Variants in PDE1A observed in about 807,000 individuals in gnomAD.
PDE1A encodes the protein dual specificity calcium/calmodulin-dependent 3',5'-cyclic nucleotide phosphodiesterase 1A.
In PDE1A, 35 loss-of-function variants were observed where a neutral mutation model predicts 61.7. That is an observed-to-expected ratio of 0.57 (90% CI 0.43 to 0.75). The LOEUF (loss-of-function observed/expected upper bound fraction) is 0.75, where lower values mean the gene tolerates loss of function less well. Ranked by LOEUF, PDE1A falls within the 30% of genes least tolerant of loss-of-function variation. The probability of loss-of-function intolerance (pLI) is 0.00; values close to 1 mark genes in which losing one functional copy is unlikely to be tolerated. For missense variants in PDE1A, 597 were observed against 630.6 expected (o/e 0.95, Z 0.57); for synonymous variants, 232 against 213.2 (o/e 1.09, Z -0.77).
chr2:182,552,508 G>C, the PDE1A span, among the ~76,000 whole-genome samples: 1 of 147,692 alleles, frequency 6.8e-6, no homozygotes, highest in Non-Finnish European at 1.5e-5. Flanking sequence ...GTGGTGGCGT[G>C]ATCTCGGCTC....
chr2:182,156,168 G>A (rs1231084492), intron 13 of PDE1A, among the ~76,000 whole-genome samples: 1 of 152,106 alleles, frequency 6.6e-6, no homozygotes, highest in South Asian at 2.1e-4. Flanking sequence ...CTAATCATAA[G>A]TTATCTGTGC....
At chr2:182,209,286 T>G (rs1212670783) in intron 7 of PDE1A, among the ~76,000 whole-genome samples, 1 of 151,942 alleles carries the variant, frequency 6.6e-6, no homozygotes, top group African/African-American at 2.4e-5. Context: ...TTTCCCCTTA[T>G]CCAACCATCA....
the PDE1A span, among the ~76,000 whole-genome samples, chr2:182,674,132 T>C: frequency 6.6e-6 from 1 of 151,968 alleles, no homozygotes; most frequent in African/African-American, 2.4e-5. Context: ...CCATGATCAC[T>C]GTTAGTAAGT....
chr2:182,628,871 A>T, the PDE1A span, among the ~76,000 whole-genome samples: 2 of 152,150 alleles, frequency 1.3e-5, no homozygotes, highest in Non-Finnish European at 2.9e-5. Flanking sequence ...GATAAGTGGG[A>T]CATGCAACTT....
chr2:182,676,611 GAAAATA>G, the PDE1A span, among the ~76,000 whole-genome samples: 4 of 151,922 alleles, frequency 2.6e-5, no homozygotes, highest in Non-Finnish European at 5.9e-5. Flanking sequence ...AGACACAACA[GAAAATA>G]AAATTTCAGG....
At chr2:182,390,915 A>G (rs1469272336) in intron 1 of PDE1A, among the ~76,000 whole-genome samples, 1 of 152,170 alleles carries the variant, frequency 6.6e-6, no homozygotes, top group Non-Finnish European at 1.5e-5. Flanking sequence ...GCCTCCCCTG[A>G]GGCAGTTGCC....
At chr2:182,223,525 A>G (rs1200158967) in intron 7 of PDE1A, among the ~76,000 whole-genome samples, 1 of 152,040 alleles carries the variant, frequency 6.6e-6, no homozygotes, top group African/African-American at 2.4e-5. Context: ...AATGACACCA[A>G]ACCAGTACCT....
At chr2:182,691,865 G>A in the PDE1A span, among the ~76,000 whole-genome samples, 1 of 151,780 alleles carries the variant, frequency 6.6e-6, no homozygotes, top group Non-Finnish European at 1.5e-5. Flanking sequence ...AGTGGGCGAA[G>A]GATATGAACA....
At chr2:182,433,006 C>T (rs1704033216) in intron 2 of PDE1A, among the ~76,000 whole-genome samples, 1 of 152,090 alleles carries the variant, frequency 6.6e-6, no homozygotes, top group Admixed American at 6.6e-5. Context: ...GTCTCATCCA[C>T]ATCCTCCACC....
chr2:182,492,078 C>A (rs1188707616), intron 2 of PDE1A, among the ~76,000 whole-genome samples: 1 of 152,118 alleles, frequency 6.6e-6, no homozygotes, highest in Non-Finnish European at 1.5e-5. Flanking sequence ...TTCCTATCAT[C>A]TTGCTTTGCC....
rs1024786499 is a variant in PDE1A at position 182,188,546 on chromosome 2, T to C, written c.1207+433A>G. The stretch of plus-strand genomic sequence containing the variant: ...CCTGTTGTTGGTTAATCTATTCACA[T>C]CATGACAGAATATTTTTCCAAATGA... On this transcript the variant is annotated intron_variant, in intron 11 of 13. Transcript: ENST00000351439. Among the ~76,000 whole-genome samples, 6 of 152,194 alleles carry C rather than the reference T, an allele frequency of 3.9e-5. No individual in the cohort carries two copies. The East Asian group carries it at 7.7e-4, about 20-fold the overall frequency.
At chr2:182,526,285 C>G (rs1324610175), upstream of PDE1A, among the ~76,000 whole-genome samples, 1 of 151,992 alleles carries the variant, frequency 6.6e-6, no homozygotes, top group Non-Finnish European at 1.5e-5. Flanking sequence ...GAATGCATAA[C>G]TGAACCTATA....
At chr2:182,248,236 A>T (rs1181037961) in intron 2 of PDE1A, among the ~76,000 whole-genome samples, 3 of 150,522 alleles carry the variant, frequency 2.0e-5, no homozygotes, top group African/African-American at 7.4e-5. Flanking sequence ...AGCCTGGGCC[A>T]CAAGAGCAAG....
At chr2:182,301,017 C>A (rs1174854023) in intron 1 of PDE1A, among the ~76,000 whole-genome samples, 1 of 152,012 alleles carries the variant, frequency 6.6e-6, no homozygotes, top group Non-Finnish European at 1.5e-5. Context: ...TTATTGGGAT[C>A]AATAAATATT....
chr2:182,237,687 C>A (rs1337625752), intron 3 of PDE1A, among the ~76,000 whole-genome samples: 1 of 152,060 alleles, frequency 6.6e-6, no homozygotes, highest in Admixed American at 6.5e-5. Flanking sequence ...TGGCTGGGGG[C>A]AGCAATAGTG....
chr2:182,291,015 G>A (rs1694494414), intron 1 of PDE1A, among the ~76,000 whole-genome samples: 1 of 152,008 alleles, frequency 6.6e-6, no homozygotes, highest in Non-Finnish European at 1.5e-5. Flanking sequence ...ATCATGTACA[G>A]TTATACATTA....
intron 13 of PDE1A, among the ~76,000 whole-genome samples, chr2:182,150,833 T>C (rs894572257): frequency 2.0e-5 from 3 of 152,204 alleles, no homozygotes; most frequent in Non-Finnish European, 4.4e-5. Flanking sequence ...ATTAGAATCA[T>C]AATGTGTTAG....
intron 10 of PDE1A, among the ~76,000 whole-genome samples, chr2:182,191,179 G>C (rs1685656722): frequency 6.6e-6 from 1 of 152,014 alleles, no homozygotes. Context: ...ACTTTTGAAA[G>C]ATTAGTTTGT....
the PDE1A span, among the ~76,000 whole-genome samples, chr2:182,646,952 C>T: frequency 6.6e-6 from 1 of 152,180 alleles, no homozygotes; most frequent in Non-Finnish European, 1.5e-5. Context: ...GGAGACAAAG[C>T]AGATGTGGCC....
Sources: gnomAD v4.1 joint callset for allele counts (sites outside exome capture counted in the v4.1 genomes callset) on GRCh38, gnomAD v4.1.1 for gene constraint, MANE v1.5 for transcripts, NCBI Gene and HGNC (gene_info 2026-07-23, HGNC 2026-07-21) for gene names.